The following TELO2 variants were observed in gnomAD, a reference collection of about 807,000 sequenced individuals.
The protein encoded by TELO2 is telomere length regulation protein TEL2 homolog.
Under a neutral mutation model 91.0 loss-of-function variants are expected in TELO2, and 71 were observed. That is an observed-to-expected ratio of 0.78 (90% CI 0.64 to 0.95). The LOEUF (loss-of-function observed/expected upper bound fraction) is 0.95. Ranked by LOEUF, TELO2 falls within the 40% of genes least tolerant of loss-of-function variation. TELO2 has a pLI of 0.00. For missense variants in TELO2, 1,183 were observed against 1,141.3 expected (o/e 1.04, Z -0.53); for synonymous variants, 584 against 518.9 (o/e 1.13, Z -1.71).
rs750963282 is a variant in TELO2 at position 1,497,548 on chromosome 16, G to T, written c.830+40G>T. ...TGTCCTCCAGCTGCACTGGCTTCTG[G>T]GGTCTGGACCCCCAGAGGCTGCCAT... On this transcript the variant is annotated intron_variant, in intron 5 of 20. Transcript: ENST00000262319. The surrounding 1 kb of genome is among the most constrained non-coding windows in gnomAD (Gnocchi z 4.0). 6.6e-7 allele frequency: 1 copy of T among 1,516,324 alleles called. No individual in the cohort carries two copies. Among genetic ancestry groups the T allele is most frequent in the Middle Eastern group, 1.7e-4 (1 of 5,892 alleles). The allele number at this position is 1,516,324 out of a possible 1,614,324, so 93.9% of individuals were successfully genotyped here.
intron 18 of TELO2, 50 bp from the exon 19 acceptor site, chr16:1,507,256 T>C (rs1235087771): frequency 1.1e-5 from 18 of 1,591,736 alleles, no homozygotes; most frequent in Non-Finnish European, 1.5e-5. Context: ...GGTGCTGGGA[T>C]GTGGGGACGG....
At position 1,503,564 on chromosome 16, in the gene TELO2, T is replaced by C. The variant is rs576570952; in HGVS notation, c.1842+562T>C. 5.3e-5 allele frequency among the ~76,000 whole-genome samples: 8 copies of C among 152,296 alleles called. No homozygotes were observed. The South Asian group carries it at 1.5e-3, about 28-fold the overall frequency. ...GACACTGTCTCAAAGATAATTCGAC[T>C]CTGATACGCACTGCCACACGATGAG... On this transcript the variant is annotated intron_variant, in intron 15 of 20. Coordinates refer to ENST00000262319, the MANE Select transcript of TELO2 (RefSeq NM_016111.4).
intron 6 of TELO2, 24 bp downstream of exon 6, chr16:1,499,357 G>A (rs2039597158): frequency 6.2e-7 from 1 of 1,611,098 alleles, no homozygotes; most frequent in African/African-American, 1.3e-5. Flanking sequence ...GGAGGGTGCA[G>A]GCTGCTGGCT....
intron 15 of TELO2, among the ~76,000 whole-genome samples, chr16:1,504,391 G>A (rs562772893): frequency 1.7e-5 from 2 of 118,126 alleles, no homozygotes; most frequent in Non-Finnish European, 3.3e-5. Context: ...TCAAGATGGC[G>A]CCACTGCACT....
chr16:1,501,205 G>A lies in TELO2; in HGVS notation c.1282-215G>A, dbSNP rs1056986824. On this transcript the variant is annotated intron_variant, in intron 9 of 20. Coordinates refer to ENST00000262319, the MANE Select transcript of TELO2 (RefSeq NM_016111.4). Reference sequence around the variant, plus strand: ...GCCCAGCTCCTTCGAGAGGGGCCACGGCCCCTCAGCTTTGAGCACTCCCAG... The same window carrying A: ...GCCCAGCTCCTTCGAGAGGGGCCACAGCCCCTCAGCTTTGAGCACTCCCAG... Among the ~76,000 whole-genome samples, 37 of 152,328 alleles carry A rather than the reference G, an allele frequency of 2.4e-4. 1 individual carries two copies. Among genetic ancestry groups the A allele is most frequent in the African/African-American group, 7.7e-4 (32 of 41,582 alleles).
At position 1,505,314 on chromosome 16, in the gene TELO2, C is replaced by T. The variant is rs951747260; in HGVS notation, c.1843-96C>T. 3.5e-6 allele frequency: 5 copies of T among 1,422,480 alleles called. No homozygotes were observed. The highest frequency in any genetic ancestry group is 1.4e-5 in the South Asian group (1 of 72,796). The allele number at this position is 1,422,480 out of a possible 1,614,324, so 88.1% of individuals were successfully genotyped here. A position where few individuals can be genotyped will look rare whatever the true frequency, so the allele number is the denominator to read the frequency against. ...CACACCTTCTCCCAGGCTGGGCGGGCCCCCGGGCCCGTTTCTGGGGCTTTG... is the reference window on the plus strand; with the variant it reads ...CACACCTTCTCCCAGGCTGGGCGGGTCCCCGGGCCCGTTTCTGGGGCTTTG... On this transcript the variant is annotated intron_variant, in intron 15 of 20. Transcript: ENST00000262319. This position sits in a 1 kb window ranked among gnomAD's most constrained non-coding sequence, Gnocchi z 4.3.
chr16:1,497,110 T>C lies in TELO2; in HGVS notation c.682+6T>C. 1 of 1,613,828 alleles carries C rather than the reference T, an allele frequency of 6.2e-7. No individual in the cohort carries two copies. The highest frequency in any genetic ancestry group is 8.5e-7 in the Non-Finnish European group (1 of 1,179,946). On this transcript the variant is annotated splice_donor_region_variant and intron_variant, in intron 4 of 20. Transcript: ENST00000262319. The surrounding 1 kb of genome is among the most constrained non-coding windows in gnomAD (Gnocchi z 4.0). ...CTGTGTCCACGGGAGGCAGCGTGAG[T>C]AGAGCAGTGCCTTCCTGCCCATCCT...
At position 1,497,188 on chromosome 16, in the gene TELO2, T is replaced by C; in HGVS notation, c.682+84T>C. The stretch of plus-strand genomic sequence containing the variant: ...TCTGCAGAAGGCCGAGAATCCCTCC[T>C]GACCCTGGCCCTCTGCAGGGTCCCC... On this transcript the variant is annotated intron_variant, in intron 4 of 20. Transcript: ENST00000262319. The surrounding 1 kb of genome is among the most constrained non-coding windows in gnomAD (Gnocchi z 4.0). The C allele has an allele frequency of 6.4e-7, 1 of 1,570,426 alleles. No homozygotes were observed.
At chr16:1,495,852 G>A (rs2039472773) in intron 3 of TELO2, among the ~76,000 whole-genome samples, 1 of 152,248 alleles carries the variant, frequency 6.6e-6, no homozygotes, top group African/African-American at 2.4e-5. Context: ...CAGTCCCTTG[G>A]GTTTCCAGGG....
intron 20 of TELO2, 133 bp downstream of exon 20, chr16:1,507,849 GGTGT>G (rs560652753): frequency 0.016 from 4,838 of 306,704 alleles, 62 homozygotes; most frequent in African/African-American, 0.023. Flanking sequence ...GTTGGCCCGG[GGTGT>G]GTGTGTGTGT....
chr16:1,501,919 C>G (rs1289328668), intron 11 of TELO2, 128 bp from the exon 12 acceptor site: 5 of 1,470,836 alleles, frequency 3.4e-6, no homozygotes, highest in Non-Finnish European at 4.7e-6. Flanking sequence ...CAGCTCCCAG[C>G]TCCACCGTAG....
At chr16:1,507,424 C>T in intron 19 of TELO2, 54 bp downstream of exon 19, 2 of 1,597,790 alleles carry the variant, frequency 1.3e-6, no homozygotes, top group Non-Finnish European at 1.7e-6. Flanking sequence ...ACACAGGGGT[C>T]TTATTGTGGG....
In TELO2 at chr16:1,505,212, C is replaced by A; in HGVS notation, c.1843-198C>A. The stretch of plus-strand genomic sequence containing the variant: ...CTCATCTCCTGGAGCACGGTGCCCA[C>A]CTTCCCCACCTTCCCGCCTACCAAG... On this transcript the variant is annotated intron_variant, in intron 15 of 20. Transcript: ENST00000262319. The surrounding 1 kb of genome is among the most constrained non-coding windows in gnomAD (Gnocchi z 4.3). The A allele has an allele frequency of 3.2e-6, 2 of 617,492 alleles. No homozygotes were observed. The highest frequency in any genetic ancestry group is 2.8e-6 in the Non-Finnish European group (1 of 360,664). 38.3% of individuals were successfully genotyped at this position (617,492 alleles called of 1,614,324 possible). A position where few individuals can be genotyped will look rare whatever the true frequency, so the allele number is the denominator to read the frequency against.
chr16:1,499,446 G>C (rs1410535258), intron 6 of TELO2, 113 bp downstream of exon 6: 2 of 1,175,146 alleles, frequency 1.7e-6, no homozygotes, highest in Non-Finnish European at 2.5e-6. Flanking sequence ...CCTGTGATTT[G>C]GCAGTGGCTG....
intron 15 of TELO2, among the ~76,000 whole-genome samples, chr16:1,504,492 ATTT>A (rs1275131604): frequency 1.2e-4 from 17 of 140,144 alleles, no homozygotes; most frequent in Non-Finnish European, 2.6e-4. Context: ...TCTTGTATAT[ATTT>A]TACCACAATA....
At chr16:1,498,523 G>A (rs4786144) in intron 5 of TELO2, among the ~76,000 whole-genome samples, 7,382 of 151,878 alleles carry the variant, frequency 0.049, 457 homozygotes, top group East Asian at 0.19. Context: ...CTGCAGCCTC[G>A]ACCTCCTGGG....
intron 15 of TELO2, among the ~76,000 whole-genome samples, chr16:1,504,643 C>G (rs150925841): frequency 2.2e-3 from 318 of 146,054 alleles, no homozygotes; most frequent in African/African-American, 6.6e-3. Context: ...CTGCAAGCTC[C>G]CCCTCCCGGG....
intron 5 of TELO2, among the ~76,000 whole-genome samples, chr16:1,498,242 T>G (rs2039561486): frequency 6.6e-6 from 1 of 152,232 alleles, no homozygotes. Flanking sequence ...GTTGAACTCC[T>G]GGCCTCAAGC....
intron 3 of TELO2, among the ~76,000 whole-genome samples, chr16:1,496,607 C>T (rs2235625): frequency 0.048 from 7,287 of 152,278 alleles, 441 homozygotes; most frequent in East Asian, 0.19. Context: ...AGCCCGGCCC[C>T]TCCCGGTTCC....
Sources: allele counts gnomAD v4.1 joint callset (sites outside exome capture counted in the v4.1 genomes callset), GRCh38; gene constraint gnomAD v4.1.1; non-coding constraint Gnocchi (gnomAD v3.1); transcripts MANE v1.5; gene names NCBI Gene and HGNC (gene_info 2026-07-23, HGNC 2026-07-21).